KRT86: variants seen among roughly 807,000 people sequenced by gnomAD.
KRT86 encodes keratin, type II cuticular Hb6.
Under a neutral mutation model 41.2 loss-of-function variants are expected in KRT86, and 30 were observed. The observed-to-expected ratio is 0.73, with a 90% CI of 0.54 to 0.99. The LOEUF (loss-of-function observed/expected upper bound fraction) is 0.99, where lower values mean the gene tolerates loss of function less well. Ranked by LOEUF, KRT86 falls within the 50% of genes least tolerant of loss-of-function variation. The pLI, the probability that KRT86 is intolerant of heterozygous loss-of-function variation, is 0.00. For synonymous variants in KRT86, 238 were observed against 238.1 expected, an observed-to-expected ratio of 1.00 and a Z score of 0.00; for missense variants, 561 against 571.4, an observed-to-expected ratio of 0.98 and a Z score of 0.19.
rs1423434367 is a variant in KRT86 at position 52,287,425 on chromosome 12, C to T, written c.-5+11479C>T. On this transcript the variant is annotated intron_variant, in intron 2 of 10. Transcript: ENST00000423955. ...CCACCAAGCTGGGAGCACCCCAGAA[C>T]AGAGCCTCTTGCCTTTATCACCTGG... 7.0e-6 allele frequency: 11 copies of T among 1,571,874 alleles called. No individual in the cohort carries two copies. In the African/African-American group the frequency reaches 1.4e-4, roughly 19 times the overall value.
At chr12:52,280,027 C>T (rs1937735868) in intron 2 of KRT86, among the ~76,000 whole-genome samples, 1 of 152,162 alleles carries the variant, frequency 6.6e-6, no homozygotes, top group African/African-American at 2.4e-5. Flanking sequence ...TTCTATCACC[C>T]TGATGGGGCA....
rs751938228 is a variant in KRT86, at chr12:52,301,993, G to A, written c.77G>A (p.Cys26Tyr). The change falls in exon 3 of 11, where the codon TGC becomes TAC. Residue 26 changes from cysteine to tyrosine, a missense_variant. By Grantham distance (194) the Cys-to-Tyr change is radical (BLOSUM62 -2). Coordinates refer to ENST00000423955, the MANE Select transcript of KRT86 (RefSeq NM_001320198.2). ...SACGPRPGRC[C>Y]ITAAPYRGIS... ...TGCGGGCCCCGGCCCGGCCGCTGCT[G>A]CATCACCGCCGCCCCCTACCGTGGC... The A allele has an allele frequency of 2.5e-6, 4 of 1,612,852 alleles. No individual in the cohort carries two copies. The highest frequency in any genetic ancestry group is 2.7e-5 in the African/African-American group (2 of 74,886).
intron 2 of KRT86, among the ~76,000 whole-genome samples, chr12:52,299,281 C>A (rs1267538901): frequency 1.3e-5 from 2 of 152,222 alleles, no homozygotes; most frequent in Non-Finnish European, 2.9e-5. Context: ...GACAGGATTT[C>A]ATTCCTTTTT....
intron 2 of KRT86, among the ~76,000 whole-genome samples, chr12:52,282,578 G>A (rs1425716872): frequency 6.6e-6 from 1 of 152,200 alleles, no homozygotes; most frequent in African/African-American, 2.4e-5. Context: ...AAGTCCAAGG[G>A]TGGCTGAACT....
intron 2 of KRT86, among the ~76,000 whole-genome samples, chr12:52,283,650 T>C (rs888401921): frequency 1.3e-5 from 2 of 151,914 alleles, no homozygotes; most frequent in African/African-American, 4.8e-5. Context: ...GGCTAATTTT[T>C]TGTATTTTCA....
At chr12:52,296,236 A>G (rs1454906569) in intron 2 of KRT86, among the ~76,000 whole-genome samples, 2 of 152,132 alleles carry the variant, frequency 1.3e-5, no homozygotes, top group Non-Finnish European at 2.9e-5. Context: ...ATCTTAGGAG[A>G]TAGTCAGGAA....
intron 2 of KRT86, chr12:52,288,465 G>T: frequency 1.2e-6 from 2 of 1,614,012 alleles, no homozygotes; most frequent in Admixed American, 1.7e-5. Context: ...TCCTGGAAAG[G>T]TGGGGAGTGT....
intron 2 of KRT86, among the ~76,000 whole-genome samples, chr12:52,297,274 T>C (rs1938272492): frequency 6.6e-6 from 1 of 152,232 alleles, no homozygotes; most frequent in Non-Finnish European, 1.5e-5. Flanking sequence ...TGACAGTATG[T>C]ATGAAAAGTA....
chr12:52,283,393 A>AC (rs777605119), intron 2 of KRT86, among the ~76,000 whole-genome samples: 79 of 64,320 alleles, frequency 1.2e-3, no homozygotes, highest in Middle Eastern at 0.01. Flanking sequence ...ACTGTCTCAC[A>AC]AAAAAAAAAA....
rs1292472015 is a variant in KRT86 at position 52,302,129 on chromosome 12, C to T, written c.213C>T (p.Cys71=). 2.6e-6 allele frequency: 4 copies of T among 1,532,462 alleles called. No homozygotes were observed. The East Asian group carries it at 7.3e-5, about 28-fold the overall frequency. 94.9% of individuals were successfully genotyped at this position (1,532,462 alleles called of 1,614,324 possible). A position where few individuals can be genotyped will look rare whatever the true frequency, so the allele number is the denominator to read the frequency against. Residue 71 remains cysteine, a synonymous_variant, in exon 3 of 11, where the codon TGC becomes TGT. Transcript: ENST00000423955. ...TCGGCTACCGCTCCGGGGGCGTGTGCGGGCCCAGTCCCCCATGCATCACCA... is the reference window on the plus strand; with the variant it reads ...TCGGCTACCGCTCCGGGGGCGTGTGTGGGCCCAGTCCCCCATGCATCACCA... ...RSFGYRSGGV[C]GPSPPCITTV...
chr12:52,299,689 T>C (rs1322725576), intron 2 of KRT86, among the ~76,000 whole-genome samples: 4 of 152,376 alleles, frequency 2.6e-5, no homozygotes, highest in South Asian at 4.1e-4. Flanking sequence ...TGTATTTCTT[T>C]GATGATATGT....
Position 52,302,064 on chromosome 12 carries a change from G to C in KRT86, c.148G>C (p.Val50Leu), listed in dbSNP as rs773093741. 3 of 1,603,826 alleles carry C rather than the reference G, an allele frequency of 1.9e-6. No individual in the cohort carries two copies. The highest frequency in any genetic ancestry group is 2.6e-6 in the Non-Finnish European group (3 of 1,176,058). ...CACCGGGGGCTTCGGCAGCCACAGC[G>C]TGTGCGGAGGCTTTCGGGCCGGCTC... ...GLTGGFGSHS[V>L]CGGFRAGSCG... The change falls in exon 3 of 11, where the codon GTG becomes CTG. Residue 50 changes from valine (V) to leucine (L), a missense_variant. Physicochemically the swap from Val to Leu is conservative, Grantham distance 32. This residue lies in a region of KRT86 where 164 missense variants were observed against 172.5 expected (regional missense o/e 0.95). Transcript: ENST00000423955.
At chr12:52,308,379 G>A (rs866999437) in intron 10 of KRT86, 25 bp from the exon 11 acceptor site, 5 of 1,611,150 alleles carry the variant, frequency 3.1e-6, no homozygotes, top group Non-Finnish European at 4.2e-6. Context: ...CGCCTGACGC[G>A]CGCCTCCGTC....
chr12:52,297,705 C>A (rs1938282603), intron 2 of KRT86, among the ~76,000 whole-genome samples: 1 of 152,210 alleles, frequency 6.6e-6, no homozygotes, highest in Non-Finnish European at 1.5e-5. Flanking sequence ...GTGGCCACTG[C>A]AGAATAAGAA....
intron 2 of KRT86, among the ~76,000 whole-genome samples, chr12:52,283,076 C>G (rs1227978080): frequency 6.6e-6 from 1 of 152,202 alleles, no homozygotes; most frequent in Non-Finnish European, 1.5e-5. Flanking sequence ...CCTCTAGCCC[C>G]TAATCCTGTC....
intron 2 of KRT86, among the ~76,000 whole-genome samples, chr12:52,295,897 G>A (rs1309061260): frequency 6.6e-6 from 1 of 152,070 alleles, no homozygotes; most frequent in Non-Finnish European, 1.5e-5. Context: ...CTATTCCTGG[G>A]GGTGGGGGTG....
chr12:52,284,747 C>G (rs977781942), intron 2 of KRT86, among the ~76,000 whole-genome samples: 46 of 152,196 alleles, frequency 3.0e-4, no homozygotes, highest in African/African-American at 8.4e-4. Context: ...GCTGTATTTT[C>G]TGGGCCTTGG....
At chr12:52,280,644 C>A (rs1937751121) in intron 2 of KRT86, among the ~76,000 whole-genome samples, 1 of 152,188 alleles carries the variant, frequency 6.6e-6, no homozygotes, top group African/African-American at 2.4e-5. Flanking sequence ...TAGCCGGATG[C>A]CACCCTCCTG....
intron 2 of KRT86, among the ~76,000 whole-genome samples, chr12:52,283,686 G>C (rs1937836766): frequency 6.6e-6 from 1 of 151,926 alleles, no homozygotes; most frequent in African/African-American, 2.4e-5. Flanking sequence ...CTTCCTATTG[G>C]TCACGCTGGT....
Sources: allele counts gnomAD v4.1 joint callset (sites outside exome capture counted in the v4.1 genomes callset), GRCh38; gene constraint gnomAD v4.1.1; regional missense constraint gnomAD v4.1.1; transcripts MANE v1.5; gene names NCBI Gene and HGNC (gene_info 2026-07-23, HGNC 2026-07-21).